RHOBTB1: variants seen among roughly 807,000 people sequenced by gnomAD.
RHOBTB1 encodes the protein Rho related BTB domain containing 1, also known as rho-related BTB domain-containing protein 1.
RHOBTB1 carries 40 observed loss-of-function variants against 71.6 expected under a neutral mutation model. The ratio of observed to expected loss-of-function variants is 0.56; its 90% CI spans 0.43 to 0.73. The LOEUF (loss-of-function observed/expected upper bound fraction) is 0.73. RHOBTB1 is among the 30% of genes least tolerant of loss of function. The pLI is 0.00. For synonymous variants in RHOBTB1, 319 were observed against 334.9 expected (o/e 0.95, Z 0.52); for missense variants, 797 against 894.0 (o/e 0.89, Z 1.38).
chr10:60,924,211 C>T (rs2083730077), intron 2 of RHOBTB1, among the ~76,000 whole-genome samples: 1 of 151,682 alleles, frequency 6.6e-6, no homozygotes, highest in South Asian at 2.1e-4. Context: ...GACACAAACC[C>T]TCTCCATAAA....
At chr10:60,933,344 A>T (rs1468608038) in intron 2 of RHOBTB1, among the ~76,000 whole-genome samples, 1 of 152,230 alleles carries the variant, frequency 6.6e-6, no homozygotes, top group Non-Finnish European at 1.5e-5. Flanking sequence ...AAGGCAAAAG[A>T]CTTTAAAATG....
In RHOBTB1 at chr10:60,992,351, C is replaced by CCT. The variant is rs1356321677; in HGVS notation, c.-162-6408_-162-6407dup. On this transcript the variant is annotated intron_variant, in intron 1 of 11. Coordinates refer to the RHOBTB1 transcript ENST00000357917. ...AGATATGAAGGTAGTATTTTCCAAT[C>CCT]CTATTATCTTCATTTTCGCTACTGT... Among the ~76,000 whole-genome samples, 8 of 152,206 alleles carry CCT rather than the reference C, an allele frequency of 5.3e-5. No individual in the cohort carries two copies. In the East Asian group the frequency reaches 1.4e-3, roughly 26 times the overall value.
At chr10:60,876,733 T>C (rs891957575) in intron 8 of RHOBTB1, among the ~76,000 whole-genome samples, 11 of 152,164 alleles carry the variant, frequency 7.2e-5, no homozygotes, top group Non-Finnish European at 1.3e-4. Context: ...AAATCTAATA[T>C]TGATGCCTCA....
intron 2 of RHOBTB1, among the ~76,000 whole-genome samples, chr10:60,949,664 CTT>C (rs147906688): frequency 0.01 from 1,127 of 108,864 alleles, 11 homozygotes; most frequent in East Asian, 0.098. Context: ...CCAGGTGAAG[CTT>C]TTTTTTTTTT....
intron 2 of RHOBTB1, among the ~76,000 whole-genome samples, chr10:60,918,791 G>A (rs781745544): frequency 3.3e-5 from 5 of 150,856 alleles, no homozygotes; most frequent in Non-Finnish European, 7.4e-5. Context: ...TTGTTGCCAG[G>A]CTGGAGTGCA....
chr10:60,925,968 C>T (rs2083857147), intron 2 of RHOBTB1, among the ~76,000 whole-genome samples: 1 of 152,082 alleles, frequency 6.6e-6, no homozygotes, highest in African/African-American at 2.4e-5. Flanking sequence ...TGGTGTCTCA[C>T]ACCCGTAATC....
intron 2 of RHOBTB1, among the ~76,000 whole-genome samples, chr10:60,951,081 C>A (rs1199266979): frequency 6.6e-6 from 1 of 152,164 alleles, no homozygotes; most frequent in Non-Finnish European, 1.5e-5. Flanking sequence ...ATGTTCATAT[C>A]ACATTTTCCT....
At chr10:60,917,460 T>A (rs2083326796) in intron 2 of RHOBTB1, among the ~76,000 whole-genome samples, 1 of 152,154 alleles carries the variant, frequency 6.6e-6, no homozygotes, top group Non-Finnish European at 1.5e-5. Flanking sequence ...TTTCTCACAG[T>A]TCTGGAGGCT....
chr10:60,862,957 AAATC>A, the RHOBTB1 span, among the ~76,000 whole-genome samples: 1 of 151,328 alleles, frequency 6.6e-6, no homozygotes, highest in African/African-American at 2.4e-5. Context: ...GGTGAAATAA[AAATC>A]AGGCAGAAAA....
Position 60,889,084 on chromosome 10 carries a change from C to G in RHOBTB1, c.584G>C (p.Gly195Ala). ...YYETSVFDQFGIKDVFDNAIR... is the reference protein window; with the variant it reads ...YYETSVFDQFAIKDVFDNAIR... ...TGCATTGTCAAACACATCCTTGATACCAAACTGGTCAAACACGCTTGTTTC... is the reference window on the plus strand; with the variant it reads ...TGCATTGTCAAACACATCCTTGATAGCAAACTGGTCAAACACGCTTGTTTC... Residue 195 changes from glycine to alanine, a missense_variant, in exon 6 of 11, where the codon GGT (glycine) becomes GCT (alanine). By Grantham distance (60) the Gly-to-Ala change is moderately conservative. Around this residue, in one of 2 missense-constraint regions of RHOBTB1, gnomAD observed 658 missense variants for 681.5 expected, o/e 0.97. Coordinates refer to ENST00000337910, the MANE Select transcript of RHOBTB1 (RefSeq NM_014836.5). 1 of 1,614,150 alleles carries G rather than the reference C, an allele frequency of 6.2e-7. No homozygotes were observed. The highest frequency in any genetic ancestry group is 1.3e-5 in the African/African-American group (1 of 75,034).
chr10:60,932,819 T>G (rs1485789287), intron 2 of RHOBTB1, among the ~76,000 whole-genome samples: 2 of 152,234 alleles, frequency 1.3e-5, no homozygotes, highest in African/African-American at 4.8e-5. Context: ...ATATCAAGGC[T>G]GTAGACTATG....
intron 8 of RHOBTB1, 82 bp from the exon 9 acceptor site, chr10:60,875,124 G>C (rs142704691): frequency 3.2e-6 from 3 of 940,414 alleles, no homozygotes; most frequent in Non-Finnish European, 3.5e-6. Context: ...GGTCTGGGAC[G>C]ACTTAAGAAG....
chr10:60,927,119 C>A (rs2083930694), intron 2 of RHOBTB1, among the ~76,000 whole-genome samples: 2 of 152,146 alleles, frequency 1.3e-5, no homozygotes, highest in Admixed American at 6.6e-5. Context: ...TCCAATTTAT[C>A]ATAGCTACAA....
intron 7 of RHOBTB1, among the ~76,000 whole-genome samples, chr10:60,883,493 G>C (rs771535041): frequency 1.3e-5 from 2 of 152,130 alleles, no homozygotes; most frequent in Non-Finnish European, 2.9e-5. Context: ...TCCTGACCTC[G>C]ATCAACTTCT....
intron 2 of RHOBTB1, among the ~76,000 whole-genome samples, chr10:60,972,410 T>C (rs1320817469): frequency 1.3e-5 from 2 of 152,074 alleles, no homozygotes; most frequent in Admixed American, 6.6e-5. Context: ...CTGGAAACCA[T>C]CATTCTCAGC....
chr10:60,982,894 C>T (rs780994737), intron 2 of RHOBTB1, among the ~76,000 whole-genome samples: 2 of 152,084 alleles, frequency 1.3e-5, no homozygotes, highest in South Asian at 2.1e-4. Context: ...TTTCCTCTTC[C>T]GCTCCCTTCT....
chr10:60,896,880 G>C (rs562793237), intron 4 of RHOBTB1, among the ~76,000 whole-genome samples: 16 of 152,214 alleles, frequency 1.1e-4, no homozygotes, highest in African/African-American at 3.6e-4. Flanking sequence ...GAGTGGGAGT[G>C]AATCAGAGAG....
chr10:60,917,617 T>C (rs1029378298), intron 2 of RHOBTB1, among the ~76,000 whole-genome samples: 1 of 152,166 alleles, frequency 6.6e-6, no homozygotes, highest in Non-Finnish European at 1.5e-5. Context: ...AAAAGGGCAC[T>C]AATCTCATCA....
rs1317578940 is a variant in RHOBTB1, at chr10:60,888,966, T to G, written c.702A>C (p.Leu234=). 2 of 1,613,790 alleles carry G rather than the reference T, an allele frequency of 1.2e-6. No individual in the cohort carries two copies. The highest frequency in any genetic ancestry group is 2.7e-5 in the African/African-American group (2 of 74,806). The stretch of plus-strand genomic sequence containing the variant: ...TGACCGGTGGAGGGGCTTTTGGAGG[T>G]AGGAAGGGTGCCTGAAGTAAAGGTT... ...VQKPLLQAPF[L]PPKAPPPVIK... The change falls in exon 6 of 11, where the codon CTA becomes CTC. Residue 234 remains leucine, a synonymous_variant. Transcript: ENST00000337910.
Sources: gnomAD v4.1 joint callset for allele counts (sites outside exome capture counted in the v4.1 genomes callset) on GRCh38, gnomAD v4.1.1 for gene constraint, gnomAD v4.1.1 regional missense constraint, MANE v1.5 for transcripts, NCBI Gene and HGNC (gene_info 2026-07-23, HGNC 2026-07-21) for gene names.